The following PDE2A variants were observed in gnomAD, a reference collection of about 807,000 sequenced individuals.
The protein encoded by PDE2A is cGMP-dependent 3',5'-cyclic phosphodiesterase.
A neutral mutation model predicts 133.6 loss-of-function variants in PDE2A; 53 were observed. That is an observed-to-expected ratio of 0.40 (90% CI 0.32 to 0.50). The LOEUF (loss-of-function observed/expected upper bound fraction) is 0.50. PDE2A is among the 20% of genes least tolerant of loss of function. PDE2A has a pLI of 0.73. For synonymous variants in PDE2A, 491 were observed against 490.2 expected (o/e 1.00, Z -0.02); for missense variants, 796 against 1,232.4 (o/e 0.65, Z 5.30).
intron 20 of PDE2A, among the ~76,000 whole-genome samples, chr11:72,583,194 G>A (rs1855800388): frequency 6.6e-6 from 1 of 152,216 alleles, no homozygotes; most frequent in African/African-American, 2.4e-5. Context: ...GGGAATACCT[G>A]GCTGAACCAA....
intron 20 of PDE2A, 68 bp from the exon 21 acceptor site, chr11:72,582,634 C>T: frequency 6.7e-7 from 1 of 1,486,288 alleles, no homozygotes; most frequent in East Asian, 2.3e-5. Flanking sequence ...CCCTCAAATT[C>T]CCATGGCAGG....
At chr11:72,581,532 C>G in intron 22 of PDE2A, 53 bp from the exon 23 acceptor site, 1 of 1,539,726 alleles carries the variant, frequency 6.5e-7, no homozygotes, top group Non-Finnish European at 8.8e-7. Flanking sequence ...TCCTCCATCA[C>G]GGCCCCATGA....
intron 2 of PDE2A, among the ~76,000 whole-genome samples, chr11:72,617,432 C>T (rs1002609515): frequency 3.9e-5 from 6 of 152,192 alleles, no homozygotes; most frequent in Non-Finnish European, 8.8e-5. Context: ...CTGACTGTCC[C>T]AGCGTGTTTT....
intron 2 of PDE2A, among the ~76,000 whole-genome samples, chr11:72,639,970 C>A (rs1591118222): frequency 6.6e-6 from 1 of 152,076 alleles, no homozygotes; most frequent in African/African-American, 2.4e-5. Context: ...CTCACACACA[C>A]CTCATGCACA....
At chr11:72,588,985 C>A in intron 12 of PDE2A, 71 bp from the exon 13 acceptor site, 1 of 1,509,660 alleles carries the variant, frequency 6.6e-7, no homozygotes, top group South Asian at 1.2e-5. Flanking sequence ...CCCTCCATCA[C>A]ATTTTGCAAC....
chr11:72,611,909 A>T (rs554022861), intron 2 of PDE2A, among the ~76,000 whole-genome samples: 12 of 152,272 alleles, frequency 7.9e-5, no homozygotes, highest in South Asian at 6.2e-4. Flanking sequence ...AAATAGCTCA[A>T]ATTGCAAAGC....
At chr11:72,636,111 C>T (rs1235900281) in intron 2 of PDE2A, 6 of 1,231,674 alleles carry the variant, frequency 4.9e-6, no homozygotes, top group African/African-American at 1.5e-5. Context: ...TGCCTGCCCC[C>T]TGAAGCCACC....
chr11:72,592,873 C>T (rs879356066), intron 6 of PDE2A, among the ~76,000 whole-genome samples: 1 of 151,932 alleles, frequency 6.6e-6, no homozygotes, highest in Non-Finnish European at 1.5e-5. Flanking sequence ...GTGACTCCTA[C>T]AGGACAGCGG....
In PDE2A at chr11:72,635,930, C is replaced by T. The variant is rs77283767; in HGVS notation, c.144+6324G>A. On this transcript the variant is annotated intron_variant, in intron 2 of 30. Transcript: ENST00000334456. ...CCGGCCCTCTCCATTCTTTCGGCCA[C>T]CCGACCTTCCCGCTCCCCCTCCACA... is the stretch of plus-strand genomic sequence containing the variant. 2.2e-3 allele frequency: 2,580 copies of T among 1,148,180 alleles called. 33 individuals carry two copies. In the African/African-American group the frequency reaches 0.037, roughly 17 times the overall value. The allele number at this position is 1,148,180 out of a possible 1,614,324, so 71.1% of individuals were successfully genotyped here.
intron 2 of PDE2A, among the ~76,000 whole-genome samples, chr11:72,638,537 A>C (rs1858806291): frequency 6.6e-6 from 1 of 152,198 alleles, no homozygotes; most frequent in Admixed American, 6.5e-5. Flanking sequence ...GAAACACAGA[A>C]GGGTGGGCAA....
chr11:72,667,222 C>A (rs565785438), intron 1 of PDE2A, among the ~76,000 whole-genome samples: 6 of 152,318 alleles, frequency 3.9e-5, no homozygotes, highest in South Asian at 2.1e-4. Context: ...CACATATGCA[C>A]AACTGGAAGC....
At chr11:72,650,169 C>T (rs1332089307) in intron 1 of PDE2A, among the ~76,000 whole-genome samples, 6 of 152,024 alleles carry the variant, frequency 3.9e-5, no homozygotes, top group Non-Finnish European at 7.4e-5. Flanking sequence ...TTACAGGCGC[C>T]TGCCATTACG....
chr11:72,612,446 G>A (rs996951994), intron 2 of PDE2A, among the ~76,000 whole-genome samples: 2 of 152,102 alleles, frequency 1.3e-5, no homozygotes, highest in Non-Finnish European at 2.9e-5. Context: ...AGGAGAACTT[G>A]TGGTGTGTAG....
chr11:72,646,626 C>T (rs1210218063), intron 1 of PDE2A, among the ~76,000 whole-genome samples: 1 of 152,168 alleles, frequency 6.6e-6, no homozygotes, highest in African/African-American at 2.4e-5. Flanking sequence ...CCCATGGCCT[C>T]CAAGGCAACA....
chr11:72,598,859 C>T, intron 4 of PDE2A: 1 of 985,434 alleles, frequency 1.0e-6, no homozygotes, highest in Non-Finnish European at 1.2e-6. Flanking sequence ...GTGTCTCCCA[C>T]CTTCCAGCCC....
At chr11:72,623,368 T>TTGC (rs1371498721) in intron 2 of PDE2A, among the ~76,000 whole-genome samples, 1 of 152,100 alleles carries the variant, frequency 6.6e-6, no homozygotes, top group Admixed American at 6.6e-5. Flanking sequence ...CTCTGTCTCG[T>TTGC]TGCTGCTCCT....
intron 23 of PDE2A, 41 bp from the exon 24 acceptor site, chr11:72,581,014 C>T (rs1281483521): frequency 7.5e-7 from 1 of 1,338,556 alleles, no homozygotes; most frequent in Admixed American, 1.7e-5. Context: ...GAGGTCAGCC[C>T]ACAGTTCCCT....
chr11:72,602,819 G>A (rs1856816193), intron 4 of PDE2A, among the ~76,000 whole-genome samples: 1 of 152,234 alleles, frequency 6.6e-6, no homozygotes, highest in African/African-American at 2.4e-5. Flanking sequence ...AGACCTGTCT[G>A]AATCCCATTC....
intron 2 of PDE2A, among the ~76,000 whole-genome samples, chr11:72,625,894 C>T (rs1246756514): frequency 6.6e-6 from 1 of 152,222 alleles, no homozygotes; most frequent in Non-Finnish European, 1.5e-5. Context: ...ATAAATATTT[C>T]CCGGGAAACG....
Sources: gnomAD v4.1 joint callset for allele counts (sites outside exome capture counted in the v4.1 genomes callset) on GRCh38, gnomAD v4.1.1 for gene constraint, MANE v1.5 for transcripts, NCBI Gene and HGNC (gene_info 2026-07-23, HGNC 2026-07-21) for gene names.